Variants in BRF1 observed in about 807,000 individuals in gnomAD.
BRF1 encodes BRF1 general transcription factor IIIB subunit.
BRF1 carries 59 observed loss-of-function variants against 81.7 expected under a neutral mutation model. That is an observed-to-expected ratio of 0.72 (90% confidence interval 0.59 to 0.90). BRF1 has a LOEUF of 0.90. Ranked by LOEUF, BRF1 falls within the 40% of genes least tolerant of loss-of-function variation. BRF1 has a pLI of 0.00. For synonymous variants in BRF1, 491 were observed against 395.6 expected (o/e 1.24, Z -2.86); for missense variants, 1,050 against 936.3 (o/e 1.12, Z -1.58).
rs587762742 is a variant in BRF1, at chr14:105,228,989, C to T, written c.695-76G>A. On this transcript the variant is annotated intron_variant, in intron 6 of 17. Transcript: ENST00000547530. ...ACATCTGTGGCGGCCCAGGACAACA[C>T]TGCGGATCCCGGTCACGGAGATGAT... 3.2e-5 allele frequency: 42 copies of T among 1,328,468 alleles called. No homozygotes were observed. In the South Asian group the frequency reaches 4.6e-4, roughly 14 times the overall value. The allele number at this position is 1,328,468 out of a possible 1,614,324, so 82.3% of individuals were successfully genotyped here. A position where few individuals can be genotyped will look rare whatever the true frequency, so the allele number is the denominator to read the frequency against.
intron 5 of BRF1, chr14:105,249,109 CG>C (rs1449270480): frequency 8.7e-6 from 13 of 1,500,654 alleles, no homozygotes; most frequent in Admixed American, 4.4e-5. Context: ...CCGCGGCCCC[CG>C]CGCCCGCGCG....
intron 1 of BRF1, among the ~76,000 whole-genome samples, chr14:105,308,217 C>G (rs151093452): frequency 0.017 from 2,612 of 151,866 alleles, 79 homozygotes; most frequent in African/African-American, 0.058. Flanking sequence ...CACAGTGGCT[C>G]ACACCTGTTA....
chr14:105,265,617 C>A (rs587715525), intron 3 of BRF1, among the ~76,000 whole-genome samples: 4 of 152,114 alleles, frequency 2.6e-5, no homozygotes, highest in Admixed American at 2.6e-4. Flanking sequence ...TGGGCATGGG[C>A]CAGGCATAGT....
rs375388391 is a variant in BRF1 at position 105,286,380 on chromosome 14, G to C, written c.185-4C>G. ...AGAGTCGGGGTTTTGCCAGCACCTG[G>C]AAACACAAAAAAAGACAGATCAGCC... On this transcript the variant is annotated splice_region_variant and splice_polypyrimidine_tract_variant and intron_variant, in intron 1 of 17. Transcript: ENST00000547530. 5.6e-6 allele frequency: 9 copies of C among 1,611,774 alleles called. No homozygotes were observed. The highest frequency in any genetic ancestry group is 1.3e-5 in the African/African-American group (1 of 74,872).
chr14:105,312,207 C>T (rs1047121787), intron 1 of BRF1, among the ~76,000 whole-genome samples: 1 of 152,222 alleles, frequency 6.6e-6, no homozygotes, highest in Non-Finnish European at 1.5e-5. Context: ...AGGGACCTAG[C>T]GAAGCCAGGC....
chr14:105,211,174 G>A lies in BRF1; in HGVS notation c.1944C>T (p.Asp648=), dbSNP rs752216291. 1.4e-5 allele frequency: 22 copies of A among 1,612,320 alleles called. No individual in the cohort carries two copies. The Admixed American group carries it at 1.8e-4, about 13-fold the overall frequency. The change falls in exon 17 of 18, where the codon GAC becomes GAT. Residue 648 remains aspartate (D), a synonymous_variant. Coordinates refer to ENST00000547530, the MANE Select transcript of BRF1 (RefSeq NM_001519.4). ...TGACGCAGGGCTCCCCGTCCTCCTC[G>A]TCAGGCTCCTCCTCGTCAGCCTCCT... ...ADEEADEEEP[D]EEDGEPCVSA... is the part of the protein sequence containing the mutation.
intron 6 of BRF1, among the ~76,000 whole-genome samples, chr14:105,229,167 T>A (rs587645005): frequency 6.6e-6 from 1 of 152,214 alleles, no homozygotes; most frequent in Non-Finnish European, 1.5e-5. Flanking sequence ...TTCCGAGAGC[T>A]TCACGTAATC....
intron 1 of BRF1, among the ~76,000 whole-genome samples, chr14:105,288,192 C>T (rs920073038): frequency 2.0e-5 from 3 of 152,230 alleles, no homozygotes; most frequent in African/African-American, 2.4e-5. Flanking sequence ...CGGTGGCTCA[C>T]GCTTGTAATC....
intron 15 of BRF1, among the ~76,000 whole-genome samples, chr14:105,215,777 T>C (rs1383267833): frequency 1.0e-5 from 1 of 98,814 alleles, no homozygotes; most frequent in Non-Finnish European, 2.0e-5. Context: ...GCACACACAC[T>C]GCACACACAC....
chr14:105,307,112 A>T (rs974060629), intron 1 of BRF1, among the ~76,000 whole-genome samples: 1 of 150,462 alleles, frequency 6.6e-6, no homozygotes, highest in Admixed American at 6.6e-5. Flanking sequence ...TGGTATGATC[A>T]TAGCTCACTG....
At chr14:105,313,460 G>T (rs1306922115) in intron 1 of BRF1, among the ~76,000 whole-genome samples, 1 of 152,232 alleles carries the variant, frequency 6.6e-6, no homozygotes, top group Non-Finnish European at 1.5e-5. Context: ...CCAGGGGCGC[G>T]TGGGAAACAC....
Position 105,284,078 on chromosome 14 carries a change from AC to A in BRF1, c.265+2217del, listed in dbSNP as rs2057222373. Among the ~76,000 whole-genome samples the A allele has an allele frequency of 6.6e-6, 1 of 150,402 alleles. No homozygotes were observed. Among genetic ancestry groups the A allele is most frequent in the Admixed American group, 6.6e-5 (1 of 15,142 alleles). On this transcript the variant is annotated intron_variant, in intron 2 of 17. Transcript: ENST00000547530. The surrounding 1 kb of genome is among the most constrained non-coding windows in gnomAD (Gnocchi z 4.0). ...ACACTCTCGGTGGCAGACACAGAGAACCAGCCAGTGGAGAGGAAGAGGGATG... is the reference window on the plus strand; with the variant it reads ...ACACTCTCGGTGGCAGACACAGAGAACAGCCAGTGGAGAGGAAGAGGGATG...
rs116711586 is a variant in BRF1 at position 105,241,129 on chromosome 14, A to C, written c.694+136T>G. Reference sequence around the variant, plus strand: ...TGAGGACCCCGGTGGGCCAGGCCAGAGTCAGCCCCGGGAGGCTGGAGGCAG... The same window carrying C: ...TGAGGACCCCGGTGGGCCAGGCCAGCGTCAGCCCCGGGAGGCTGGAGGCAG... On this transcript the variant is annotated intron_variant, in intron 6 of 17. Transcript: ENST00000547530. 8 of 1,400,774 alleles carry C rather than the reference A, an allele frequency of 5.7e-6. No individual in the cohort carries two copies. In the East Asian group the frequency reaches 1.2e-4, roughly 21 times the overall value. 86.8% of individuals were successfully genotyped at this position (1,400,774 alleles called of 1,614,324 possible).
intron 1 of BRF1, among the ~76,000 whole-genome samples, chr14:105,295,303 CAAAAAAAA>C (rs869251134): frequency 1.4e-4 from 5 of 36,586 alleles, no homozygotes; most frequent in Admixed American, 2.7e-4. Flanking sequence ...CACATCTCTA[CAAAAAAAA>C]AAAAAAAAAA....
chr14:105,211,639 C>G, intron 16 of BRF1: 1 of 367,980 alleles, frequency 2.7e-6, no homozygotes, highest in Non-Finnish European at 5.0e-6. Context: ...GCTTGGCCTG[C>G]CCTGACCCCC....
Position 105,228,808 on chromosome 14 carries a change from A to G in BRF1, c.788+12T>C. The stretch of plus-strand genomic sequence containing the variant: ...CTGTGTGGTCCCCATGCCATGAATG[A>G]GAGCCCCTCACCTCTTCCGCAGCGT... On this transcript the variant is annotated intron_variant, in intron 7 of 17. Coordinates refer to ENST00000547530, the MANE Select transcript of BRF1 (RefSeq NM_001519.4). 2.5e-6 allele frequency: 4 copies of G among 1,613,616 alleles called. No homozygotes were observed. Among genetic ancestry groups the G allele is most frequent in the Non-Finnish European group, 3.4e-6 (4 of 1,179,864 alleles).
intron 5 of BRF1, chr14:105,249,237 C>T (rs1313338790): frequency 6.3e-7 from 1 of 1,581,852 alleles, no homozygotes; most frequent in Non-Finnish European, 8.5e-7. Flanking sequence ...AGGACGGTGC[C>T]CGCCCACAAG....
intron 3 of BRF1, among the ~76,000 whole-genome samples, chr14:105,257,545 A>G (rs1314535987): frequency 6.6e-6 from 1 of 152,192 alleles, no homozygotes; most frequent in Non-Finnish European, 1.5e-5. Context: ...AACCCCCAGG[A>G]CGGCTGGGAC....
At position 105,287,123 on chromosome 14, in the gene BRF1, A is replaced by G. The variant is rs587595468; in HGVS notation, c.185-747T>C. ...TGCAGCTGAACCTGCTGGACACTCT[A>G]CTCCGAAGCTCTGCCAACTGACAGC... is the stretch of plus-strand genomic sequence containing the variant. On this transcript the variant is annotated intron_variant, in intron 1 of 17. Transcript: ENST00000547530. 4.6e-5 allele frequency among the ~76,000 whole-genome samples: 7 copies of G among 152,082 alleles called. No homozygotes were observed. The South Asian group carries it at 1.5e-3, about 32-fold the overall frequency.
Sources: gnomAD v4.1 joint callset for allele counts (sites outside exome capture counted in the v4.1 genomes callset) on GRCh38, gnomAD v4.1.1 for gene constraint, Gnocchi (gnomAD v3.1) non-coding constraint, MANE v1.5 for transcripts, NCBI Gene and HGNC (gene_info 2026-07-23, HGNC 2026-07-21) for gene names.